Variants in DLG3 observed in about 807,000 individuals in gnomAD.
DLG3 encodes discs large MAGUK scaffold protein 3.
Under a neutral mutation model 64.1 loss-of-function variants are expected in DLG3, and 1 was observed. That is an observed-to-expected ratio of 0.02 (90% CI 0.01 to 0.07). The LOEUF is 0.07. Ranked by LOEUF, DLG3 falls within the 10% of genes least tolerant of loss-of-function variation. The pLI, the probability that DLG3 is intolerant of heterozygous loss-of-function variation, is 1.00. For synonymous variants in DLG3, 245 were observed against 259.8 expected, an observed-to-expected ratio of 0.94 and a Z score of 0.55; for missense variants, 429 against 669.5, an observed-to-expected ratio of 0.64 and a Z score of 3.96.
At chrX:70,474,351 GA>G (rs3833889) in intron 9 of DLG3, among the ~76,000 whole-genome samples, 5,323 of 111,134 alleles carry the variant, frequency 0.048, 97 homozygotes, top group East Asian at 0.063. Flanking sequence ...ATAGTCAAGG[GA>G]AAATTAAGAC....
At position 70,450,798 on chromosome X, in the gene DLG3, GC is replaced by G; in HGVS notation, c.985+19del. 1 of 1,211,672 alleles carries G rather than the reference GC, an allele frequency of 8.3e-7. No homozygotes were observed. The highest frequency in any genetic ancestry group is 1.1e-6 in the Non-Finnish European group (1 of 895,319). The stretch of plus-strand genomic sequence containing the variant: ...CTACGCCAGCAGTACGTACTCATCA[GC>G]CCCTGTCCCTGGTCTAAAGCTCTGT... On this transcript the variant is annotated intron_variant, in intron 6 of 18. Transcript: ENST00000374360.
intron 10 of DLG3, among the ~76,000 whole-genome samples, chrX:70,487,948 A>T (rs976676536): frequency 9.2e-5 from 10 of 108,868 alleles, no homozygotes; most frequent in African/African-American, 2.7e-4. Context: ...ACCGCACCCA[A>T]CCAGACTAAG....
chrX:70,458,181 T>G (rs2086747782), intron 9 of DLG3, among the ~76,000 whole-genome samples: 1 of 110,728 alleles, frequency 9.0e-6, no homozygotes, highest in Admixed American at 9.6e-5. Context: ...CAGCCTAATT[T>G]TTGTATTTTT....
chrX:70,466,541 C>T (rs781342041), intron 9 of DLG3, among the ~76,000 whole-genome samples: 3 of 106,365 alleles, frequency 2.8e-5, no homozygotes, highest in South Asian at 4.4e-4. Context: ...CAGGTTCAAG[C>T]GATTCTCCTG....
At position 70,454,655 on chromosome X, in the gene DLG3, C is replaced by T. The variant is rs144527518; in HGVS notation, c.1405+339C>T. ...AGGAGAAGACTGGGAACTGTGTGCC[C>T]TGGAAGAGGAGAGCAGCTCTTGGTT... On this transcript the variant is annotated intron_variant, in intron 9 of 18. Coordinates refer to ENST00000374360, the MANE Select transcript of DLG3 (RefSeq NM_021120.4). Among the ~76,000 whole-genome samples, 864 of 111,917 alleles carry T rather than the reference C, an allele frequency of 7.7e-3. 6 individuals are homozygous for T. The highest frequency in any genetic ancestry group is 0.027 in the African/African-American group (825 of 30,790).
rs766629119 is a variant in DLG3 at position 70,479,199 on chromosome X, G to A, written c.1455G>A (p.Met485Ile). Reference protein sequence around the residue: ...SKIHDLREQMMNSSMSSGSGS... With the variant: ...SKIHDLREQMINSSMSSGSGS... ...TACATGACTTACGAGAACAAATGATGAACAGCAGCATGAGCTCTGGGTCTG... is the reference window on the plus strand; with the variant it reads ...TACATGACTTACGAGAACAAATGATAAACAGCAGCATGAGCTCTGGGTCTG... Residue 485 changes from methionine (M) to isoleucine (I), a missense_variant, in exon 10 of 19, where the codon ATG becomes ATA. By Grantham distance (10) the Met-to-Ile change is conservative (BLOSUM62 1). This residue lies in a region of DLG3 where 46 missense variants were observed against 52.3 expected (regional missense o/e 0.88). Coordinates refer to ENST00000374360, the MANE Select transcript of DLG3 (RefSeq NM_021120.4). 2.5e-6 allele frequency: 3 copies of A among 1,206,914 alleles called. No individual in the cohort carries two copies. Among genetic ancestry groups the A allele is most frequent in the South Asian group, 1.8e-5 (1 of 56,872 alleles).
At chrX:70,459,253 A>G (rs2086763945) in intron 9 of DLG3, among the ~76,000 whole-genome samples, 1 of 112,354 alleles carries the variant, frequency 8.9e-6, no homozygotes, top group South Asian at 3.7e-4. Context: ...GGAGTGAGAG[A>G]GAATGAGAGT....
In DLG3 at chrX:70,449,808, C is replaced by G. The variant is rs2086600413; in HGVS notation, c.652C>G (p.Gln218Glu). 8.3e-7 allele frequency: 1 copy of G among 1,199,726 alleles called. No homozygotes were observed. The highest frequency in any genetic ancestry group is 1.7e-5 in the African/African-American group (1 of 57,790). The part of the protein sequence containing the change: ...PVVRLVVRRR[Q>E]PPPETIMEVN... ...GGTGCGATTGGTGGTGCGGAGGCGA[C>G]AGCCTCCACCCGAGACCATCATGGA... Residue 218 changes from glutamine to glutamate, a missense_variant, in exon 4 of 19, where the codon CAG becomes GAG. By Grantham distance (29) the Gln-to-Glu change is conservative. Transcript: ENST00000374360.
chrX:70,471,012 A>C (rs1273684916), intron 9 of DLG3, among the ~76,000 whole-genome samples: 1 of 110,706 alleles, frequency 9.0e-6, no homozygotes, highest in Non-Finnish European at 1.9e-5. Context: ...GAAAGGAGAA[A>C]GTTTGTATTC....
Position 70,492,507 on chromosome X carries a change from T to C in DLG3, c.1698-14T>C. 1 of 1,209,523 alleles carries C rather than the reference T, an allele frequency of 8.3e-7. No homozygotes were observed. Among genetic ancestry groups the C allele is most frequent in the Non-Finnish European group, 1.1e-6 (1 of 893,951 alleles). On this transcript the variant is annotated splice_polypyrimidine_tract_variant and intron_variant, in intron 11 of 18. Coordinates refer to ENST00000374360, the MANE Select transcript of DLG3 (RefSeq NM_021120.4). ...TACTGGCAGTAACAGGACTTCTTTC[T>C]GATTCCAAAACAGGGTGGAAAAGAA...
chrX:70,448,498 G>A, intron 1 of DLG3: 1 of 893,470 alleles, frequency 1.1e-6, no homozygotes, highest in Non-Finnish European at 1.6e-6. Context: ...AGGGTTATCT[G>A]TCTAGGCCAC....
chrX:70,489,881 TAGAC>T (rs2087326458), intron 10 of DLG3, among the ~76,000 whole-genome samples: 1 of 110,618 alleles, frequency 9.0e-6, no homozygotes, highest in East Asian at 2.9e-4. Context: ...ATTTATTTTT[TAGAC>T]AGAGTCTCGC....
At chrX:70,458,173 G>C in intron 9 of DLG3, among the ~76,000 whole-genome samples, 1 of 111,126 alleles carries the variant, frequency 9.0e-6, no homozygotes, top group East Asian at 2.8e-4. Context: ...ACCATGCCCA[G>C]CCTAATTTTT....
chrX:70,460,983 G>T (rs947803619), intron 9 of DLG3, among the ~76,000 whole-genome samples: 1 of 111,902 alleles, frequency 8.9e-6, no homozygotes, highest in African/African-American at 3.2e-5. Flanking sequence ...TGGACATTTG[G>T]GTTGTTTTCA....
At position 70,502,152 on chromosome X, in the gene DLG3, C is replaced by G; in HGVS notation, c.2348-11C>G. ...ACCACAGTAATAATTTTGTTTTCCT[C>G]TTCACTTTAGCCATTGTACAGGGTG... On this transcript the variant is annotated splice_polypyrimidine_tract_variant and intron_variant, in intron 18 of 18. Transcript: ENST00000374360. 8.4e-7 allele frequency: 1 copy of G among 1,183,801 alleles called. No homozygotes were observed. Among genetic ancestry groups the G allele is most frequent in the African/African-American group, 1.8e-5 (1 of 57,128 alleles).
At chrX:70,491,677 T>TTAC (rs1195729586) in intron 10 of DLG3, among the ~76,000 whole-genome samples, 3 of 112,225 alleles carry the variant, frequency 2.7e-5, no homozygotes, top group Non-Finnish European at 3.8e-5. Context: ...TCAGGAGTGT[T>TTAC]TACCAGTCAT....
chrX:70,495,846 G>A (rs2087444698), intron 13 of DLG3, among the ~76,000 whole-genome samples: 1 of 111,229 alleles, frequency 9.0e-6, no homozygotes, highest in African/African-American at 3.3e-5. Flanking sequence ...CTAAAGAATT[G>A]GGTGTAGGAA....
chrX:70,478,451 G>A (rs189246580), intron 9 of DLG3, among the ~76,000 whole-genome samples: 2 of 111,410 alleles, frequency 1.8e-5, no homozygotes, highest in East Asian at 5.6e-4. Context: ...GGAGGTGAGA[G>A]GTGTCAGCCG....
At chrX:70,473,101 G>A (rs1268150408) in intron 9 of DLG3, among the ~76,000 whole-genome samples, 1 of 100,035 alleles carries the variant, frequency 1.0e-5, no homozygotes, top group Non-Finnish European at 2.0e-5. Flanking sequence ...AGGTTGCAGT[G>A]AGCTGAGATC....
Sources: gnomAD v4.1 joint callset for allele counts (sites outside exome capture counted in the v4.1 genomes callset) on GRCh38, gnomAD v4.1.1 for gene constraint, gnomAD v4.1.1 regional missense constraint, MANE v1.5 for transcripts, NCBI Gene and HGNC (gene_info 2026-07-23, HGNC 2026-07-21) for gene names.